The following CUX1 variants were observed in gnomAD, a reference collection of about 807,000 sequenced individuals.
The protein encoded by CUX1 is cut like homeobox 1, also known as protein CASP.
In CUX1, 31 loss-of-function variants were observed where a neutral mutation model predicts 158.8. The ratio of observed to expected loss-of-function variants is 0.20; its 90% CI spans 0.15 to 0.26. The LOEUF (loss-of-function observed/expected upper bound fraction) is 0.26. Among genes scored for constraint, CUX1 ranks in the 10% least tolerant of loss-of-function variants. The pLI, the probability that CUX1 is intolerant of heterozygous loss-of-function variation, is 1.00. For synonymous variants in CUX1, 879 were observed against 862.1 expected, an observed-to-expected ratio of 1.02 and a Z score of -0.34; for missense variants, 1,589 against 2,014.6, an observed-to-expected ratio of 0.79 and a Z score of 4.04.
At chr7:102,145,119 C>T (rs1170407908) in intron 8 of CUX1, among the ~76,000 whole-genome samples, 1 of 150,740 alleles carries the variant, frequency 6.6e-6, no homozygotes, top group Non-Finnish European at 1.5e-5. Context: ...ATTTGAATCT[C>T]GATTCAAGTA....
At chr7:102,102,108 A>G (rs1055284254) in intron 5 of CUX1, among the ~76,000 whole-genome samples, 5 of 151,966 alleles carry the variant, frequency 3.3e-5, no homozygotes, top group African/African-American at 4.8e-5. Flanking sequence ...TGCACAGAGC[A>G]TTTCTTCCAG....
intron 20 of CUX1, among the ~76,000 whole-genome samples, chr7:102,217,136 C>G (rs1203929240): frequency 1.3e-5 from 2 of 152,200 alleles, no homozygotes; most frequent in African/African-American, 4.8e-5. Flanking sequence ...AAAGCCGGAA[C>G]AAGGCGAGCC....
intron 1 of CUX1, among the ~76,000 whole-genome samples, chr7:101,833,933 G>C (rs531099302): frequency 6.6e-6 from 1 of 152,094 alleles, no homozygotes; most frequent in East Asian, 1.9e-4. Context: ...AGAATGGGAC[G>C]CACAGTGTTC....
intron 21 of CUX1, among the ~76,000 whole-genome samples, chr7:102,232,206 C>G (rs545250000): frequency 6.6e-6 from 1 of 151,788 alleles, no homozygotes; most frequent in Admixed American, 6.6e-5. Flanking sequence ...CTAAGCCAGG[C>G]GTGGTGGTGC....
chr7:102,235,924 G>A (rs1554532629), intron 22 of CUX1, among the ~76,000 whole-genome samples: 1 of 151,984 alleles, frequency 6.6e-6, no homozygotes, highest in African/African-American at 2.4e-5. Flanking sequence ...CTGAAGGAGA[G>A]AGAGTGTCTG....
rs200727809 is a variant in CUX1, at chr7:102,248,498, G to A, written c.3974G>A (p.Arg1325His). The change falls in exon 24 of 24, where the codon CGC (arginine) becomes CAC (histidine). Residue 1325 changes from arginine to histidine, a missense_variant. Transcript: ENST00000292535. This position sits in a 1 kb window ranked among gnomAD's most constrained non-coding sequence, Gnocchi z 5.8. ...GGCGCCAGCGACTCACCCTCGGCCC[G>A]CAGCGGCCGGGCGGCGCCCAGCTCG... ...QAGASDSPSA[R>H]SGRAAPSSEG... 4 of 1,567,766 alleles carry A rather than the reference G, an allele frequency of 2.6e-6. No homozygotes were observed. Among genetic ancestry groups the A allele is most frequent in the Non-Finnish European group, 3.4e-6 (4 of 1,160,828 alleles).
chr7:102,277,854 C>A, intron 17 of CUX1: 1 of 698,004 alleles, frequency 1.4e-6, no homozygotes, highest in Non-Finnish European at 2.3e-6. Flanking sequence ...AAGGAGAAGG[C>A]TGTGGGCACA....
intron 20 of CUX1, among the ~76,000 whole-genome samples, chr7:102,216,538 A>ACG (rs1797085707): frequency 2.5e-5 from 2 of 78,806 alleles, no homozygotes; most frequent in Non-Finnish European, 5.1e-5. Context: ...TCCCCCCCAC[A>ACG]CACACACACC....
chr7:102,007,131 G>C (rs776140408), intron 2 of CUX1, among the ~76,000 whole-genome samples: 1 of 152,146 alleles, frequency 6.6e-6, no homozygotes, highest in Non-Finnish European at 1.5e-5. Context: ...TATTTTGTTT[G>C]TATTTCATTT....
intron 2 of CUX1, among the ~76,000 whole-genome samples, chr7:101,987,833 A>G (rs1046650253): frequency 3.3e-5 from 5 of 152,244 alleles, no homozygotes; most frequent in African/African-American, 9.6e-5. Flanking sequence ...ACAAATACAC[A>G]TGATTTTTCA....
chr7:101,820,925 T>A (rs1792400674), intron 1 of CUX1, among the ~76,000 whole-genome samples: 1 of 152,192 alleles, frequency 6.6e-6, no homozygotes, highest in Non-Finnish European at 1.5e-5. Flanking sequence ...CGAAGCTATT[T>A]GAAGAGGGGC....
chr7:102,208,762 A>C (rs1364838451), intron 20 of CUX1, among the ~76,000 whole-genome samples: 1 of 152,156 alleles, frequency 6.6e-6, no homozygotes, highest in Non-Finnish European at 1.5e-5. Context: ...TCCTTTCAAG[A>C]GGCCCCCAGA....
chr7:102,263,748 A>G (rs1275308903), intron 14 of CUX1, among the ~76,000 whole-genome samples: 3 of 151,896 alleles, frequency 2.0e-5, no homozygotes, highest in Non-Finnish European at 4.4e-5. Context: ...GCTGGAGTGC[A>G]GTGGTGCGAT....
chr7:101,877,042 T>A lies in CUX1; in HGVS notation c.31-39073T>A, dbSNP rs545043734. On this transcript the variant is annotated intron_variant, in intron 1 of 23. Coordinates refer to ENST00000292535, the MANE Select transcript of CUX1 (RefSeq NM_181552.4). ...TTAATGTCTGATTATTTTCTTAGGTTAAATTTCTAAAAGTAGAAGTGAACA... is the reference window on the plus strand; with the variant it reads ...TTAATGTCTGATTATTTTCTTAGGTAAAATTTCTAAAAGTAGAAGTGAACA... Among the ~76,000 whole-genome samples the A allele has an allele frequency of 2.0e-5, 3 of 152,366 alleles. No homozygotes were observed. In the East Asian group the frequency reaches 5.8e-4, roughly 29 times the overall value.
chr7:102,210,219 C>T (rs1554522775), intron 20 of CUX1, among the ~76,000 whole-genome samples: 1 of 152,176 alleles, frequency 6.6e-6, no homozygotes, highest in African/African-American at 2.4e-5. Context: ...TCCTCAGCCT[C>T]CCAAGTAGCT....
chr7:102,252,276 G>A lies in CUX1; in HGVS notation c.*3234G>A. On this transcript the variant is annotated 3_prime_UTR_variant, in exon 24 of 24. Transcript: ENST00000292535. ...TGGGCCCCTCAGTTGGAGTCTAAGGGTTAATCTCTCATCTTGCTAAGCAGT... is the reference window on the plus strand; with the variant it reads ...TGGGCCCCTCAGTTGGAGTCTAAGGATTAATCTCTCATCTTGCTAAGCAGT... 3 of 985,414 alleles carry A rather than the reference G, an allele frequency of 3.0e-6. No individual in the cohort carries two copies. Among genetic ancestry groups the A allele is most frequent in the Non-Finnish European group, 3.6e-6 (3 of 829,948 alleles). 61.0% of individuals were successfully genotyped at this position (985,414 alleles called of 1,614,324 possible).
At position 102,256,720 on chromosome 7, in the gene CUX1, C is replaced by G. The variant is rs1789928038; in HGVS notation, c.*7678C>G. 1 of 985,316 alleles carries G rather than the reference C, an allele frequency of 1.0e-6. No individual in the cohort carries two copies. The highest frequency in any genetic ancestry group is 1.7e-5 in the African/African-American group (1 of 57,228). 61.0% of individuals were successfully genotyped at this position (985,316 alleles called of 1,614,324 possible). A position where few individuals can be genotyped will look rare whatever the true frequency, so the allele number is the denominator to read the frequency against. ...GCCAAGTTCAGTTCCCCAAAGCCTC[C>G]TAGAGCCTCTGGTAAGACTTCTGGG... On this transcript the variant is annotated 3_prime_UTR_variant, in exon 24 of 24. Transcript: ENST00000292535.
intron 2 of CUX1, among the ~76,000 whole-genome samples, chr7:101,927,667 C>T (rs112260956): frequency 4.6e-5 from 7 of 152,312 alleles, no homozygotes; most frequent in Admixed American, 2.0e-4. Context: ...AACAAAAACA[C>T]ACACACAAAA....
chr7:102,133,465 A>ATT (rs1833546803), intron 8 of CUX1, among the ~76,000 whole-genome samples: 2 of 122,368 alleles, frequency 1.6e-5, no homozygotes, highest in Non-Finnish European at 3.4e-5. Flanking sequence ...AAAAAAATAC[A>ATT]TCTTTTTTTT....
Sources: allele counts gnomAD v4.1 joint callset (sites outside exome capture counted in the v4.1 genomes callset), GRCh38; gene constraint gnomAD v4.1.1; non-coding constraint Gnocchi (gnomAD v3.1); transcripts MANE v1.5; gene names NCBI Gene and HGNC (gene_info 2026-07-23, HGNC 2026-07-21).